LYRM7: variants seen among roughly 807,000 people sequenced by gnomAD.
The protein encoded by LYRM7 is complex III assembly factor LYRM7.
Under a neutral mutation model 15.8 loss-of-function variants are expected in LYRM7, and 9 were observed. The ratio of observed to expected loss-of-function variants is 0.57; its 90% CI spans 0.34 to 0.99. LYRM7 has a LOEUF of 0.99. Among genes scored for constraint, LYRM7 ranks in the 50% least tolerant of loss-of-function variants. The pLI, the probability that LYRM7 is intolerant of heterozygous loss-of-function variation, is 0.02. For missense variants in LYRM7, 115 were observed against 119.1 expected (o/e 0.97, Z 0.16); for synonymous variants, 39 against 39.4 (o/e 0.99, Z 0.04).
intron 1 of LYRM7, 69 bp from the exon 2 acceptor site, chr5:131,180,026 C>A: frequency 9.5e-7 from 1 of 1,052,158 alleles, no homozygotes; most frequent in Non-Finnish European, 1.5e-6. Flanking sequence ...GCTACCTCAA[C>A]TTCCCAAAGT....
At chr5:131,198,923 A>G (rs1286397175) in intron 4 of LYRM7, among the ~76,000 whole-genome samples, 1 of 152,126 alleles carries the variant, frequency 6.6e-6, no homozygotes, top group Non-Finnish European at 1.5e-5. Flanking sequence ...TGTCTTACCT[A>G]GGACTCAACA....
At chr5:131,184,628 A>G (rs1486038518) in intron 3 of LYRM7, among the ~76,000 whole-genome samples, 1 of 130,310 alleles carries the variant, frequency 7.7e-6, no homozygotes, top group Non-Finnish European at 1.5e-5. Flanking sequence ...AGACAAATGG[A>G]ATTTTTTTTG....
chr5:131,197,460 TAGTC>T (rs1381273992), intron 4 of LYRM7, among the ~76,000 whole-genome samples: 7 of 152,086 alleles, frequency 4.6e-5, no homozygotes, highest in African/African-American at 1.7e-4. Context: ...GCACTATTCT[TAGTC>T]AGACCAGTTC....
chr5:131,196,689 A>G (rs1455337115), intron 4 of LYRM7, among the ~76,000 whole-genome samples: 2 of 150,188 alleles, frequency 1.3e-5, no homozygotes, highest in African/African-American at 4.9e-5. Context: ...TTTTTCCGAG[A>G]TGGAGTCTAG....
At chr5:131,195,816 C>T (rs1755953822) in intron 4 of LYRM7, among the ~76,000 whole-genome samples, 1 of 152,140 alleles carries the variant, frequency 6.6e-6, no homozygotes, top group South Asian at 2.1e-4. Flanking sequence ...CTTAAGGCCA[C>T]CCCTGGGCCC....
rs548868073 is a variant in LYRM7 at position 131,205,066 on chromosome 5, CT to C, written c.*5466del. Reference sequence around the variant, plus strand: ...CAAATAATATAGCACACTCATGAACCTAATTCCCACATTTGATAGTTGTTAC... The same window carrying C: ...CAAATAATATAGCACACTCATGAACCAATTCCCACATTTGATAGTTGTTAC... On this transcript the variant is annotated 3_prime_UTR_variant, in exon 5 of 5. Coordinates refer to ENST00000379380, the MANE Select transcript of LYRM7 (RefSeq NM_181705.4). 4.9e-3 allele frequency: 740 copies of C among 152,262 alleles called. 6 individuals are homozygous for C. Among genetic ancestry groups the C allele is most frequent in the African/African-American group, 0.017 (725 of 41,488 alleles). The allele number at this position is 152,262 out of a possible 1,614,324, so 9.4% of individuals were successfully genotyped here. A position where few individuals can be genotyped will look rare whatever the true frequency, so the allele number is the denominator to read the frequency against.
intron 1 of LYRM7, among the ~76,000 whole-genome samples, chr5:131,172,420 AAG>A (rs1755537562): frequency 6.6e-6 from 1 of 151,228 alleles, no homozygotes; most frequent in African/African-American, 2.5e-5. Context: ...CTCAAAAAAT[AAG>A]TAAATAAATA....
At chr5:131,184,595 A>T (rs1361601004) in intron 3 of LYRM7, among the ~76,000 whole-genome samples, 1 of 149,980 alleles carries the variant, frequency 6.7e-6, no homozygotes, top group Non-Finnish European at 1.5e-5. Context: ...GGTTAGTTCC[A>T]ATGTGCAACT....
intron 4 of LYRM7, among the ~76,000 whole-genome samples, chr5:131,198,734 T>A (rs1254017452): frequency 2.6e-4 from 32 of 121,482 alleles, no homozygotes; most frequent in African/African-American, 1.3e-3. Context: ...ACCCAGCTGA[T>A]TTTTTTTTTT....
At chr5:131,179,047 G>A (rs1219828658) in intron 1 of LYRM7, among the ~76,000 whole-genome samples, 3 of 150,272 alleles carry the variant, frequency 2.0e-5, no homozygotes, top group African/African-American at 7.3e-5. Flanking sequence ...CCTCTTTTAA[G>A]ATGCAATAAA....
intron 1 of LYRM7, among the ~76,000 whole-genome samples, chr5:131,179,828 C>T (rs1055526178): frequency 4.0e-5 from 6 of 151,840 alleles, no homozygotes; most frequent in Non-Finnish European, 1.5e-5. Flanking sequence ...CCCAGCTACT[C>T]GGGAGGCTGA....
chr5:131,183,971 GT>G, intron 3 of LYRM7, among the ~76,000 whole-genome samples: 2 of 151,940 alleles, frequency 1.3e-5, no homozygotes, highest in Middle Eastern at 3.4e-3. Flanking sequence ...TTTTTGTTTT[GT>G]TTTTGTTTTT....
chr5:131,188,973 C>G (rs1010168974), intron 4 of LYRM7, among the ~76,000 whole-genome samples: 2 of 151,172 alleles, frequency 1.3e-5, no homozygotes, highest in Non-Finnish European at 2.9e-5. Flanking sequence ...ATGGTGAAAC[C>G]CCATTTTCAC....
At chr5:131,190,744 GC>G (rs1368468663) in intron 4 of LYRM7, among the ~76,000 whole-genome samples, 2 of 152,120 alleles carry the variant, frequency 1.3e-5, no homozygotes, top group African/African-American at 4.8e-5. Context: ...ACCTGCCTCA[GC>G]CTCCCAAAAT....
At chr5:131,177,244 G>A (rs1252431123) in intron 1 of LYRM7, among the ~76,000 whole-genome samples, 1 of 151,928 alleles carries the variant, frequency 6.6e-6, no homozygotes, top group African/African-American at 2.4e-5. Flanking sequence ...TTTTGCTATA[G>A]TCCTGCCTAG....
chr5:131,180,847 C>G (rs1755679482), intron 2 of LYRM7, among the ~76,000 whole-genome samples: 1 of 152,040 alleles, frequency 6.6e-6, no homozygotes, highest in South Asian at 2.1e-4. Flanking sequence ...AAGATAGTTG[C>G]TATTATAATT....
chr5:131,178,363 C>T (rs953304649), intron 1 of LYRM7, among the ~76,000 whole-genome samples: 5 of 152,136 alleles, frequency 3.3e-5, no homozygotes, highest in Non-Finnish European at 7.3e-5. Context: ...ATTACAGAGA[C>T]ATTTCTAAAG....
rs990241369 is a variant in LYRM7 at position 131,205,172 on chromosome 5, C to T, written c.*5571C>T. 4 of 152,204 alleles carry T rather than the reference C, an allele frequency of 2.6e-5. No individual in the cohort carries two copies. Among genetic ancestry groups the T allele is most frequent in the South Asian group, 2.1e-4 (1 of 4,824 alleles). 9.4% of individuals were successfully genotyped at this position (152,204 alleles called of 1,614,324 possible). On this transcript the variant is annotated 3_prime_UTR_variant, in exon 5 of 5. Transcript: ENST00000379380. ...CCACCCTTCTCTTTCTCCTCTCTCT[C>T]CAGGATAATTACTGTTTTATAGTTT... is the stretch of plus-strand genomic sequence containing the variant.
chr5:131,186,079 A>G (rs568254789), intron 3 of LYRM7, among the ~76,000 whole-genome samples: 1 of 152,362 alleles, frequency 6.6e-6, no homozygotes, highest in East Asian at 1.9e-4. Flanking sequence ...AACTCAAACC[A>G]TGCAGAAGGC....
Sources: gnomAD v4.1 joint callset for allele counts (sites outside exome capture counted in the v4.1 genomes callset) on GRCh38, gnomAD v4.1.1 for gene constraint, MANE v1.5 for transcripts, NCBI Gene and HGNC (gene_info 2026-07-23, HGNC 2026-07-21) for gene names.